The following GALNT18 variants were observed in gnomAD, a reference collection of about 807,000 sequenced individuals.
GALNT18 encodes polypeptide N-acetylgalactosaminyltransferase 18.
GALNT18 carries 44 observed loss-of-function variants against 69.5 expected under a neutral mutation model. The observed-to-expected ratio is 0.63, with a 90% CI of 0.50 to 0.81. GALNT18 has a LOEUF of 0.81. Among genes scored for constraint, GALNT18 ranks in the 40% least tolerant of loss-of-function variants. The pLI is 0.00. For missense variants in GALNT18, 715 were observed against 810.0 expected, an observed-to-expected ratio of 0.88 and a Z score of 1.42; for synonymous variants, 364 against 318.2, an observed-to-expected ratio of 1.14 and a Z score of -1.53.
intron 6 of GALNT18, among the ~76,000 whole-genome samples, chr11:11,365,217 A>G (rs4393307): frequency 1.3e-5 from 2 of 151,876 alleles, no homozygotes; most frequent in Non-Finnish European, 1.5e-5. Flanking sequence ...TCAGTGTTCA[A>G]CTTCCACTTA....
At chr11:11,349,238 G>T (rs1850356069) in intron 6 of GALNT18, among the ~76,000 whole-genome samples, 1 of 152,102 alleles carries the variant, frequency 6.6e-6, no homozygotes, top group African/African-American at 2.4e-5. Context: ...CGGTATTACG[G>T]ATGGTGCTCC....
At chr11:11,445,159 A>T (rs1181727989) in intron 2 of GALNT18, among the ~76,000 whole-genome samples, 2 of 152,220 alleles carry the variant, frequency 1.3e-5, no homozygotes, top group Non-Finnish European at 2.9e-5. Context: ...ACACAAATAG[A>T]TGCCTCAAGG....
At chr11:11,516,190 C>G (rs1175741725) in intron 1 of GALNT18, among the ~76,000 whole-genome samples, 1 of 152,140 alleles carries the variant, frequency 6.6e-6, no homozygotes, top group African/African-American at 2.4e-5. Context: ...ACAGGGAGCA[C>G]AGTCAACCTA....
intron 1 of GALNT18, among the ~76,000 whole-genome samples, chr11:11,576,274 A>C (rs1335788298): frequency 6.6e-6 from 1 of 152,232 alleles, no homozygotes; most frequent in African/African-American, 2.4e-5. Context: ...GCTGCTCACC[A>C]GGCTGTGGCT....
intron 1 of GALNT18, among the ~76,000 whole-genome samples, chr11:11,565,476 T>TC (rs1374181815): frequency 6.6e-6 from 1 of 152,114 alleles, no homozygotes; most frequent in Non-Finnish European, 1.5e-5. Flanking sequence ...ATCTAAGGCC[T>TC]CTAAGCATGA....
Position 11,604,835 on chromosome 11 carries a change from GT to G in GALNT18, c.235+16523del, listed in dbSNP as rs981795527. On this transcript the variant is annotated intron_variant, in intron 1 of 10. Transcript: ENST00000227756. This position sits in a 1 kb window ranked among gnomAD's most constrained non-coding sequence, Gnocchi z 5.6. ...CCCGGCCCATAGCTTCATTCCACTGGTCCCCCACACCCCAAAGGCTACACAA... is the reference window on the plus strand; with the variant it reads ...CCCGGCCCATAGCTTCATTCCACTGGCCCCCACACCCCAAAGGCTACACAA... Among the ~76,000 whole-genome samples the G allele has an allele frequency of 6.6e-6, 1 of 151,940 alleles. No homozygotes were observed. Among genetic ancestry groups the G allele is most frequent in the Non-Finnish European group, 1.5e-5 (1 of 68,010 alleles).
At chr11:11,352,524 C>A in intron 6 of GALNT18, 1 of 1,614,106 alleles carries the variant, frequency 6.2e-7, no homozygotes, top group East Asian at 2.2e-5. Flanking sequence ...TAGCTCAGGA[C>A]CTTTGAAGTA....
At position 11,432,881 on chromosome 11, in the gene GALNT18, GGGCTCGGGAGT is replaced by G; in HGVS notation, c.429-105_429-95del. On this transcript the variant is annotated intron_variant, in intron 2 of 10. Transcript: ENST00000227756. The surrounding 1 kb of genome is among the most constrained non-coding windows in gnomAD (Gnocchi z 5.8). ...ATGTCCTGGCTCCAGCTTTGCTGGA[GGGCTCGGGAGT>G]CCAGATTCTTCCAAGGGCCCCTTCT... The G allele has an allele frequency of 3.2e-6, 4 of 1,255,804 alleles. No individual in the cohort carries two copies. The highest frequency in any genetic ancestry group is 4.4e-6 in the Non-Finnish European group (4 of 905,110). The allele number at this position is 1,255,804 out of a possible 1,614,324, so 77.8% of individuals were successfully genotyped here. A position where few individuals can be genotyped will look rare whatever the true frequency, so the allele number is the denominator to read the frequency against.
intron 9 of GALNT18, among the ~76,000 whole-genome samples, chr11:11,317,683 G>A (rs1454333999): frequency 7.2e-5 from 11 of 152,148 alleles, no homozygotes; most frequent in African/African-American, 2.7e-4. Flanking sequence ...CATTCCGTAG[G>A]TTGTCTGTTT....
rs1262385120 is a variant in GALNT18, at chr11:11,606,355, T to C, written c.235+15004A>G. ...TAATAATTACAGGACAGTATGATTT[T>C]CTCATCTGTAAAATGGGGCTAATTA... On this transcript the variant is annotated intron_variant, in intron 1 of 10. Coordinates refer to ENST00000227756, the MANE Select transcript of GALNT18 (RefSeq NM_198516.3). This position sits in a 1 kb window ranked among gnomAD's most constrained non-coding sequence, Gnocchi z 5.4. 2.0e-5 allele frequency among the ~76,000 whole-genome samples: 3 copies of C among 152,214 alleles called. No individual in the cohort carries two copies. In the East Asian group the frequency reaches 5.8e-4, roughly 29 times the overall value.
At chr11:11,517,290 T>C (rs1052945278) in intron 1 of GALNT18, among the ~76,000 whole-genome samples, 1 of 152,250 alleles carries the variant, frequency 6.6e-6, no homozygotes, top group Non-Finnish European at 1.5e-5. Flanking sequence ...GACACCATTA[T>C]ACTGCAAAGG....
intron 1 of GALNT18, among the ~76,000 whole-genome samples, chr11:11,561,695 G>A (rs1420966944): frequency 6.6e-6 from 1 of 152,180 alleles, no homozygotes; most frequent in Non-Finnish European, 1.5e-5. Context: ...CCAAAGTCTT[G>A]CAGGTGTCAT....
At position 11,332,660 on chromosome 11, in the gene GALNT18, T is replaced by A; in HGVS notation, c.1416+34A>T. The A allele has an allele frequency of 6.2e-7, 1 of 1,610,216 alleles. No homozygotes were observed. Among genetic ancestry groups the A allele is most frequent in the Non-Finnish European group, 8.5e-7 (1 of 1,176,720 alleles). On this transcript the variant is annotated intron_variant, in intron 8 of 10. Coordinates refer to ENST00000227756, the MANE Select transcript of GALNT18 (RefSeq NM_198516.3). This position sits in a 1 kb window ranked among gnomAD's most constrained non-coding sequence, Gnocchi z 4.3. The stretch of plus-strand genomic sequence containing the variant: ...TTCACTATGTTTCTTTCTGTCTGTG[T>A]CTGAATGAAACCCGGAGGAGGCCAG...
chr11:11,315,914 T>C lies in GALNT18; in HGVS notation c.1512+11172A>G, dbSNP rs1301776970. On this transcript the variant is annotated intron_variant, in intron 9 of 10. Coordinates refer to ENST00000227756, the MANE Select transcript of GALNT18 (RefSeq NM_198516.3). The surrounding 1 kb of genome is among the most constrained non-coding windows in gnomAD (Gnocchi z 5.6). ...AACTGAACGTGTGACAAACAGAAGCTGAGGGTGGCTGCCGAGAGTGAGCCT... is the reference window on the plus strand; with the variant it reads ...AACTGAACGTGTGACAAACAGAAGCCGAGGGTGGCTGCCGAGAGTGAGCCT... Among the ~76,000 whole-genome samples, 2 of 150,162 alleles carry C rather than the reference T, an allele frequency of 1.3e-5. No homozygotes were observed. Among genetic ancestry groups the C allele is most frequent in the African/African-American group, 4.9e-5 (2 of 40,618 alleles).
chr11:11,554,869 G>A (rs753948658), intron 1 of GALNT18, among the ~76,000 whole-genome samples: 1 of 152,188 alleles, frequency 6.6e-6, no homozygotes, highest in Non-Finnish European at 1.5e-5. Context: ...GACAGTGTCT[G>A]TCTGAGCCCA....
intron 10 of GALNT18, among the ~76,000 whole-genome samples, chr11:11,289,128 T>TCCTGGCTTCTTCAGGCC (rs369715094): frequency 6.6e-6 from 1 of 152,198 alleles, no homozygotes; most frequent in African/African-American, 2.4e-5. Flanking sequence ...TTTCAGAGGC[T>TCCTGGCTTCTTCAGGCC]CCTGGCTTCT....
chr11:11,303,253 G>A (rs1849527145), intron 9 of GALNT18, among the ~76,000 whole-genome samples: 1 of 152,036 alleles, frequency 6.6e-6, no homozygotes, highest in African/African-American at 2.4e-5. Flanking sequence ...CATCCTTCTT[G>A]CTTCTTGGGC....
intron 10 of GALNT18, among the ~76,000 whole-genome samples, chr11:11,281,398 G>A (rs746134500): frequency 3.9e-5 from 6 of 152,180 alleles, no homozygotes; most frequent in Non-Finnish European, 8.8e-5. Flanking sequence ...CGGATCGGAG[G>A]ATCAGGGTGG....
Position 11,318,439 on chromosome 11 carries a change from A to T in GALNT18, c.1512+8647T>A, listed in dbSNP as rs924693979. Among the ~76,000 whole-genome samples, 8 of 152,164 alleles carry T rather than the reference A, an allele frequency of 5.3e-5. No homozygotes were observed. The highest frequency in any genetic ancestry group is 8.8e-5 in the Non-Finnish European group (6 of 68,022). On this transcript the variant is annotated intron_variant, in intron 9 of 10. Transcript: ENST00000227756. This position sits in a 1 kb window ranked among gnomAD's most constrained non-coding sequence, Gnocchi z 5.1. ...ATAATGCCATGTGAAGGGTGATGTT[A>T]AGCTGCTACAAGCCAAGGGACCAGC...
Sources: gnomAD v4.1 joint callset for allele counts (sites outside exome capture counted in the v4.1 genomes callset) on GRCh38, gnomAD v4.1.1 for gene constraint, Gnocchi (gnomAD v3.1) non-coding constraint, MANE v1.5 for transcripts, NCBI Gene and HGNC (gene_info 2026-07-23, HGNC 2026-07-21) for gene names.